DSCAM: variants seen among roughly 807,000 people sequenced by gnomAD.
DSCAM encodes DS cell adhesion molecule.
In DSCAM, 47 loss-of-function variants were observed where a neutral mutation model predicts 217.7. The ratio of observed to expected loss-of-function variants is 0.22; its 90% CI spans 0.17 to 0.28. The LOEUF (loss-of-function observed/expected upper bound fraction) is 0.28. Ranked by LOEUF, DSCAM falls within the 10% of genes least tolerant of loss-of-function variation. The pLI is 1.00. For synonymous variants in DSCAM, 1,056 were observed against 1,015.3 expected, an observed-to-expected ratio of 1.04 and a Z score of -0.76; for missense variants, 2,080 against 2,618.3, an observed-to-expected ratio of 0.79 and a Z score of 4.49.
At chr21:40,036,975 G>A (rs1197955589) in intron 32 of DSCAM, among the ~76,000 whole-genome samples, 1 of 150,674 alleles carries the variant, frequency 6.6e-6, no homozygotes, top group Non-Finnish European at 1.5e-5. Context: ...AACCCTTCAT[G>A]CTAAAAACTC....
intron 19 of DSCAM, among the ~76,000 whole-genome samples, chr21:40,131,584 C>T (rs761427868): frequency 1.6e-4 from 24 of 152,220 alleles, no homozygotes; most frequent in Admixed American, 7.2e-4. Context: ...CACCACCACA[C>T]CTGGCTAATT....
chr21:40,303,782 C>T (rs2074041809), intron 9 of DSCAM, among the ~76,000 whole-genome samples: 1 of 152,186 alleles, frequency 6.6e-6, no homozygotes, highest in Non-Finnish European at 1.5e-5. Flanking sequence ...TTTCATTTTT[C>T]CTGTCAACTG....
At chr21:40,645,402 TA>T (rs2146348321) in intron 3 of DSCAM, among the ~76,000 whole-genome samples, 1 of 152,006 alleles carries the variant, frequency 6.6e-6, no homozygotes, top group South Asian at 2.1e-4. Context: ...TGATGATACA[TA>T]AAGATGAAAT....
At chr21:40,260,342 T>C (rs952871540) in intron 11 of DSCAM, among the ~76,000 whole-genome samples, 6 of 152,206 alleles carry the variant, frequency 3.9e-5, no homozygotes, top group Non-Finnish European at 8.8e-5. Context: ...AAACAGTATA[T>C]TCAAAAGTCT....
intron 1 of DSCAM, among the ~76,000 whole-genome samples, chr21:40,778,549 G>C (rs1020486051): frequency 6.6e-6 from 1 of 151,686 alleles, no homozygotes; most frequent in African/African-American, 2.4e-5. Flanking sequence ...AAATGTACAT[G>C]GTAAATTTCC....
chr21:40,451,459 G>A (rs1448551501), intron 3 of DSCAM, among the ~76,000 whole-genome samples: 1 of 151,960 alleles, frequency 6.6e-6, no homozygotes, highest in Non-Finnish European at 1.5e-5. Flanking sequence ...ATAATTGAGT[G>A]TTTCTTGGTT....
intron 3 of DSCAM, among the ~76,000 whole-genome samples, chr21:40,458,036 C>T (rs1482112833): frequency 6.6e-6 from 1 of 152,112 alleles, no homozygotes; most frequent in Admixed American, 6.5e-5. Context: ...GTGAAACCTA[C>T]AAGAATTTTT....
chr21:40,552,087 G>C (rs565566130), intron 3 of DSCAM, among the ~76,000 whole-genome samples: 21 of 152,112 alleles, frequency 1.4e-4, no homozygotes, highest in Non-Finnish European at 2.5e-4. Flanking sequence ...AGGCCGAGGT[G>C]GGCGGATCAT....
At chr21:40,025,792 A>G (rs1227435497) in intron 32 of DSCAM, among the ~76,000 whole-genome samples, 9 of 150,514 alleles carry the variant, frequency 6.0e-5, no homozygotes, top group Admixed American at 1.3e-4. Flanking sequence ...CTAGCAGTCT[A>G]TCTATTTTGT....
At chr21:40,590,694 C>T (rs2076977894) in intron 3 of DSCAM, among the ~76,000 whole-genome samples, 1 of 152,128 alleles carries the variant, frequency 6.6e-6, no homozygotes, top group African/African-American at 2.4e-5. Flanking sequence ...AGAGACTATA[C>T]TTGGGTCTCC....
intron 1 of DSCAM, among the ~76,000 whole-genome samples, chr21:40,842,030 G>A (rs2092105837): frequency 6.6e-6 from 1 of 152,204 alleles, no homozygotes; most frequent in Non-Finnish European, 1.5e-5. Flanking sequence ...GTCTTCAGAA[G>A]AAAGCCCCTG....
rs79892143 is a variant in DSCAM, at chr21:40,183,732, C to T, written c.2779+3399G>A. Among the ~76,000 whole-genome samples the T allele has an allele frequency of 9.6e-3, 1,469 of 152,256 alleles. 30 individuals are homozygous for T. Among genetic ancestry groups the T allele is most frequent in the African/African-American group, 0.033 (1,389 of 41,536 alleles). On this transcript the variant is annotated intron_variant, in intron 14 of 32. Transcript: ENST00000400454. The stretch of plus-strand genomic sequence containing the variant: ...CCTGGGTTAGTGAGTTTCTGTTTCT[C>T]GGATTGTTCAAGCATAGAGTGAATG...
intron 19 of DSCAM, among the ~76,000 whole-genome samples, chr21:40,128,915 A>G (rs1020677590): frequency 6.6e-6 from 1 of 152,198 alleles, no homozygotes; most frequent in Non-Finnish European, 1.5e-5. Context: ...GTTCCACAGC[A>G]TAGAAAATAA....
chr21:40,349,357 C>T (rs1269348988), intron 5 of DSCAM, among the ~76,000 whole-genome samples: 1 of 151,546 alleles, frequency 6.6e-6, no homozygotes, highest in African/African-American at 2.4e-5. Context: ...GAATTTGTGA[C>T]CACGAAACAG....
At chr21:40,719,108 C>A (rs1177870357) in intron 1 of DSCAM, among the ~76,000 whole-genome samples, 1 of 151,564 alleles carries the variant, frequency 6.6e-6, no homozygotes, top group Non-Finnish European at 1.5e-5. Flanking sequence ...ACAGTGAGAC[C>A]TTGTCTCCAA....
intron 11 of DSCAM, among the ~76,000 whole-genome samples, chr21:40,207,353 G>A (rs985552977): frequency 6.6e-6 from 1 of 152,152 alleles, no homozygotes; most frequent in African/African-American, 2.4e-5. Context: ...GGTAGGAGGT[G>A]GGGACTGGGG....
intron 3 of DSCAM, among the ~76,000 whole-genome samples, chr21:40,392,799 G>A (rs1260439954): frequency 2.0e-5 from 3 of 152,150 alleles, no homozygotes; most frequent in South Asian, 2.1e-4. Context: ...AACCTCAGAA[G>A]CAATGTCCAC....
intron 3 of DSCAM, among the ~76,000 whole-genome samples, chr21:40,494,805 T>C (rs143247485): frequency 1.6e-5 from 2 of 128,638 alleles, no homozygotes; most frequent in South Asian, 5.1e-4. Context: ...ATAGAAAAGA[T>C]CAACAAAACT....
chr21:40,146,289 T>C (rs2090356600), intron 16 of DSCAM, among the ~76,000 whole-genome samples: 1 of 151,652 alleles, frequency 6.6e-6, no homozygotes, highest in Non-Finnish European at 1.5e-5. Context: ...GGGGCACGGC[T>C]CAGAGAAGTA....
Sources: allele counts gnomAD v4.1 joint callset (sites outside exome capture counted in the v4.1 genomes callset), GRCh38; gene constraint gnomAD v4.1.1; transcripts MANE v1.5; gene names NCBI Gene and HGNC (gene_info 2026-07-23, HGNC 2026-07-21).